The following IGF1R variants were observed in gnomAD, a reference collection of about 807,000 sequenced individuals.
The protein encoded by IGF1R is insulin like growth factor 1 receptor, also known as insulin-like growth factor 1 receptor.
A neutral mutation model predicts 144.6 loss-of-function variants in IGF1R; 44 were observed. The ratio of observed to expected loss-of-function variants is 0.30; its 90% confidence interval spans 0.24 to 0.39. The LOEUF (loss-of-function observed/expected upper bound fraction) is 0.39. Ranked by LOEUF, IGF1R falls within the 10% of genes least tolerant of loss-of-function variation. The pLI, the probability that IGF1R is intolerant of heterozygous loss-of-function variation, is 1.00. For synonymous variants in IGF1R, 795 were observed against 722.8 expected (o/e 1.10, Z -1.60); for missense variants, 1,355 against 1,833.7 (o/e 0.74, Z 4.77).
At chr15:98,776,720 G>GT (rs1456830728) in intron 2 of IGF1R, among the ~76,000 whole-genome samples, 1 of 152,212 alleles carries the variant, frequency 6.6e-6, no homozygotes, top group Non-Finnish European at 1.5e-5. Context: ...CCACAGCGGT[G>GT]TGCAAGGATG....
At chr15:98,888,438 A>AGTGTGTGTGTGTGT (rs1191582086) in intron 2 of IGF1R, among the ~76,000 whole-genome samples, 37 of 143,448 alleles carry the variant, frequency 2.6e-4, no homozygotes, top group Admixed American at 1.7e-3. Flanking sequence ...AGAGAGAGAG[A>AGTGTGTGTGTGTGT]GTGTGTGTGT....
At chr15:98,777,673 TTGG>T (rs1167143451) in intron 2 of IGF1R, among the ~76,000 whole-genome samples, 1 of 152,126 alleles carries the variant, frequency 6.6e-6, no homozygotes, top group Non-Finnish European at 1.5e-5. Context: ...GCCCCATACC[TTGG>T]TGGGCAAGAG....
At position 98,860,869 on chromosome 15, in the gene IGF1R, A is replaced by G. The variant is rs570365764; in HGVS notation, c.641-30456A>G. ...ACAGATTTCTAAGCTTGTTAGAGTT[A>G]TGTGTTAAGAGTAAATAGGCAGTAA... On this transcript the variant is annotated intron_variant, in intron 2 of 20. Coordinates refer to ENST00000650285, the MANE Select transcript of IGF1R (RefSeq NM_000875.5). Among the ~76,000 whole-genome samples the G allele has an allele frequency of 5.9e-5, 9 of 152,292 alleles. 1 individual carries two copies. In the South Asian group the frequency reaches 1.9e-3, roughly 32 times the overall value.
chr15:98,731,054 A>G (rs1362094729), intron 2 of IGF1R, among the ~76,000 whole-genome samples: 1 of 152,232 alleles, frequency 6.6e-6, no homozygotes, highest in African/African-American at 2.4e-5. Context: ...AATTAGATGA[A>G]TTTTGAAAAT....
intron 7 of IGF1R, 36 bp from the exon 8 acceptor site, chr15:98,913,008 A>C (rs759440782): frequency 2.0e-6 from 3 of 1,478,280 alleles, no homozygotes; most frequent in Non-Finnish European, 2.8e-6. Context: ...TTGATGTCAG[A>C]GCCCCGAACT....
At chr15:98,899,898 A>C (rs2014394196) in intron 5 of IGF1R, among the ~76,000 whole-genome samples, 1 of 152,184 alleles carries the variant, frequency 6.6e-6, no homozygotes, top group Non-Finnish European at 1.5e-5. Context: ...GTGAGACGGC[A>C]GACGGGGGTG....
intron 17 of IGF1R, 35 bp from the exon 18 acceptor site, chr15:98,939,166 A>T (rs1229837104): frequency 1.9e-6 from 3 of 1,603,920 alleles, no homozygotes; most frequent in African/African-American, 1.3e-5. Flanking sequence ...AAAAAATCCA[A>T]AATTCTCATG....
intron 2 of IGF1R, among the ~76,000 whole-genome samples, chr15:98,711,465 A>C (rs1464664218): frequency 6.6e-6 from 1 of 151,428 alleles, no homozygotes; most frequent in African/African-American, 2.4e-5. Flanking sequence ...TACTCCCTCT[A>C]TGGACGTGAT....
At chr15:98,861,957 T>G (rs1017936612) in intron 2 of IGF1R, among the ~76,000 whole-genome samples, 1 of 152,252 alleles carries the variant, frequency 6.6e-6, no homozygotes, top group Non-Finnish European at 1.5e-5. Context: ...CTCAATTTTT[T>G]GTTATTCCCC....
intron 2 of IGF1R, among the ~76,000 whole-genome samples, chr15:98,849,967 A>G (rs1212352547): frequency 6.6e-6 from 1 of 152,244 alleles, no homozygotes; most frequent in Non-Finnish European, 1.5e-5. Flanking sequence ...ACATCTATAG[A>G]GGAGAATTTG....
At chr15:98,839,572 C>T (rs2011141002) in intron 2 of IGF1R, among the ~76,000 whole-genome samples, 1 of 152,254 alleles carries the variant, frequency 6.6e-6, no homozygotes, top group Non-Finnish European at 1.5e-5. Context: ...TTCAGCGAGA[C>T]AGCCTTTTCT....
chr15:98,785,843 G>A (rs1205980134), intron 2 of IGF1R, among the ~76,000 whole-genome samples: 1 of 152,162 alleles, frequency 6.6e-6, no homozygotes, highest in Non-Finnish European at 1.5e-5. Context: ...TAAAGCATCT[G>A]TATTGTAAAT....
intron 2 of IGF1R, among the ~76,000 whole-genome samples, chr15:98,865,943 G>A (rs2012417473): frequency 6.6e-6 from 1 of 152,184 alleles, no homozygotes; most frequent in Non-Finnish European, 1.5e-5. Flanking sequence ...CCCACCTCCC[G>A]CTCTGGGGTC....
intron 20 of IGF1R, among the ~76,000 whole-genome samples, chr15:98,952,324 A>ACACACACAC (rs2016810755): frequency 6.6e-6 from 1 of 151,680 alleles, no homozygotes; most frequent in African/African-American, 2.4e-5. Flanking sequence ...ACACACACAC[A>ACACACACAC]CACACACTGC....
chr15:98,734,285 G>GT (rs932377163), intron 2 of IGF1R, among the ~76,000 whole-genome samples: 3 of 152,198 alleles, frequency 2.0e-5, no homozygotes, highest in African/African-American at 4.8e-5. Flanking sequence ...ACATGCCAAT[G>GT]TTTTTTTCCG....
In IGF1R at chr15:98,916,486, T is replaced by C. The variant is rs559581900; in HGVS notation, c.1997-186T>C. On this transcript the variant is annotated intron_variant, in intron 9 of 20. Transcript: ENST00000650285. ...CATGTTGCCCAGGCTGGTCTGAAACTCCTAACCTCAGGTGATTTGCCCGCC... is the reference window on the plus strand; with the variant it reads ...CATGTTGCCCAGGCTGGTCTGAAACCCCTAACCTCAGGTGATTTGCCCGCC... 4 of 657,438 alleles carry C rather than the reference T, an allele frequency of 6.1e-6. No homozygotes were observed. In the South Asian group the frequency reaches 6.9e-5, roughly 11 times the overall value. The allele number at this position is 657,438 out of a possible 1,614,324, so 40.7% of individuals were successfully genotyped here.
At chr15:98,670,322 A>G (rs45484100) in intron 1 of IGF1R, among the ~76,000 whole-genome samples, 2 of 152,128 alleles carry the variant, frequency 1.3e-5, no homozygotes, top group African/African-American at 4.8e-5. Flanking sequence ...CAGAAGGATT[A>G]TACTAGACTT....
chr15:98,698,095 G>A (rs1386493550), intron 1 of IGF1R, among the ~76,000 whole-genome samples: 5 of 147,096 alleles, frequency 3.4e-5, no homozygotes, highest in African/African-American at 5.1e-5. Flanking sequence ...CTGGAGTGCC[G>A]TGGTGCGATC....
chr15:98,689,019 A>C (rs1267378829), intron 1 of IGF1R, among the ~76,000 whole-genome samples: 1 of 152,186 alleles, frequency 6.6e-6, no homozygotes, highest in South Asian at 2.1e-4. Context: ...CAGTAAGCAG[A>C]AGCTCAGTCA....
Sources: gnomAD v4.1 joint callset for allele counts (sites outside exome capture counted in the v4.1 genomes callset) on GRCh38, gnomAD v4.1.1 for gene constraint, MANE v1.5 for transcripts, NCBI Gene and HGNC (gene_info 2026-07-23, HGNC 2026-07-21) for gene names.